The following NDST3 variants were observed in gnomAD, a reference collection of about 807,000 sequenced individuals.
NDST3 encodes N-deacetylase and N-sulfotransferase 3.
Under a neutral mutation model 96.1 loss-of-function variants are expected in NDST3, and 58 were observed. The observed-to-expected ratio is 0.60, with a 90% confidence interval of 0.49 to 0.75. The LOEUF is 0.75. Ranked by LOEUF, NDST3 falls within the 30% of genes least tolerant of loss-of-function variation. The pLI, the probability that NDST3 is intolerant of heterozygous loss-of-function variation, is 0.00. For synonymous variants in NDST3, 333 were observed against 359.7 expected, an observed-to-expected ratio of 0.93 and a Z score of 0.84; for missense variants, 788 against 1,034.2, an observed-to-expected ratio of 0.76 and a Z score of 3.27.
At chr4:118,073,177 C>T (rs1485183935) in intron 2 of NDST3, among the ~76,000 whole-genome samples, 2 of 151,878 alleles carry the variant, frequency 1.3e-5, no homozygotes, top group Non-Finnish European at 2.9e-5. Context: ...GGATATTGGC[C>T]TTAAGTTTTC....
At chr4:118,243,671 T>A (rs1273950412) in intron 12 of NDST3, among the ~76,000 whole-genome samples, 2 of 152,254 alleles carry the variant, frequency 1.3e-5, no homozygotes, top group African/African-American at 4.8e-5. Context: ...AACAGTTTTC[T>A]ATTTCAAGTT....
At chr4:118,224,280 G>GA (rs35647802) in intron 6 of NDST3, among the ~76,000 whole-genome samples, 1 of 151,906 alleles carries the variant, frequency 6.6e-6, no homozygotes, top group Non-Finnish European at 1.5e-5. Flanking sequence ...AAATTTCAGG[G>GA]AAAAAATGCT....
chr4:118,240,479 T>G, intron 10 of NDST3, 45 bp from the exon 11 acceptor site: 1 of 1,458,426 alleles, frequency 6.9e-7, no homozygotes, highest in Non-Finnish European at 9.2e-7. Context: ...TAATTATTTA[T>G]GCCTACGGTT....
intron 6 of NDST3, among the ~76,000 whole-genome samples, chr4:118,195,883 GT>G (rs1737651261): frequency 6.6e-6 from 1 of 152,164 alleles, no homozygotes; most frequent in South Asian, 2.1e-4. Flanking sequence ...CTAGTACTAT[GT>G]TGAATAACAG....
intron 10 of NDST3, among the ~76,000 whole-genome samples, chr4:118,237,581 TAA>T (rs1740725626): frequency 6.6e-6 from 1 of 152,202 alleles, no homozygotes; most frequent in African/African-American, 2.4e-5. Context: ...GTGTACTCTA[TAA>T]AGAGTCAGAT....
chr4:118,250,902 G>T (rs1229341301), intron 12 of NDST3, among the ~76,000 whole-genome samples: 1 of 151,352 alleles, frequency 6.6e-6, no homozygotes, highest in Non-Finnish European at 1.5e-5. Context: ...CCAGTCTGTG[G>T]TTTCCCTTTT....
Position 118,221,879 on chromosome 4 carries a change from T to C in NDST3, c.1540-2612T>C, listed in dbSNP as rs1578834933. Among the ~76,000 whole-genome samples, 7 of 152,030 alleles carry C rather than the reference T, an allele frequency of 4.6e-5. 2 individuals are homozygous for C. Among genetic ancestry groups the C allele is most frequent in the Admixed American group, 4.6e-4 (7 of 15,228 alleles). ...TGGTGACAACTAATTACTCATAGTG[T>C]GTTTATAGCAAAAATTGTTTTATAA... On this transcript the variant is annotated intron_variant, in intron 6 of 13. Coordinates refer to ENST00000296499, the MANE Select transcript of NDST3 (RefSeq NM_004784.3).
chr4:118,213,047 T>A (rs1738910401), intron 6 of NDST3, among the ~76,000 whole-genome samples: 1 of 152,228 alleles, frequency 6.6e-6, no homozygotes, highest in Non-Finnish European at 1.5e-5. Context: ...CTTATTAGTC[T>A]CTTCACATTT....
chr4:118,055,304 C>A, intron 2 of NDST3: 1 of 220,536 alleles, frequency 4.5e-6, no homozygotes. Context: ...TTACAGATCT[C>A]ATTGTAGCAA....
Position 118,054,359 on chromosome 4 carries a change from T to C in NDST3, c.449T>C (p.Leu150Pro). 6.2e-7 allele frequency: 1 copy of C among 1,612,762 alleles called. No individual in the cohort carries two copies. Among genetic ancestry groups the C allele is most frequent in the South Asian group, 1.1e-5 (1 of 91,016 alleles). ...ATGGATTCCTGGAATCGAAGCCTTC[T>C]AGATAAATACTGTGTAGAATATGGT... is the stretch of plus-strand genomic sequence containing the variant. ...INMDSWNRSLLDKYCVEYGVG... is the reference protein window; with the variant it reads ...INMDSWNRSLPDKYCVEYGVG... The change falls in exon 2 of 14, where the codon CTA (leucine) becomes CCA (proline). Residue 150 changes from leucine to proline, a missense_variant. Leu to Pro is a moderately conservative substitution (Grantham distance 98). This residue lies in a region of NDST3 where 234 missense variants were observed against 256.9 expected (regional missense o/e 0.91). Transcript: ENST00000296499.
chr4:118,245,063 G>A (rs1387695602), intron 12 of NDST3, among the ~76,000 whole-genome samples: 2 of 152,034 alleles, frequency 1.3e-5, no homozygotes, highest in Non-Finnish European at 2.9e-5. Flanking sequence ...TTTAGTTTTT[G>A]TGTTACATGT....
chr4:118,146,194 T>C (rs17049625), intron 6 of NDST3, among the ~76,000 whole-genome samples: 6,950 of 152,266 alleles, frequency 0.046, 272 homozygotes, highest in African/African-American at 0.11. Flanking sequence ...GGAATCAAAG[T>C]ATACATTAGC....
At chr4:118,100,266 T>A (rs1008552777) in intron 2 of NDST3, among the ~76,000 whole-genome samples, 1 of 152,106 alleles carries the variant, frequency 6.6e-6, no homozygotes, top group African/African-American at 2.4e-5. Flanking sequence ...CATCTTTATC[T>A]GCCTCAGACA....
chr4:118,049,727 A>G (rs551994319), intron 1 of NDST3, among the ~76,000 whole-genome samples: 1 of 150,310 alleles, frequency 6.7e-6, no homozygotes, highest in Admixed American at 6.7e-5. Context: ...AATCAGTAAT[A>G]ATAATAAAAA....
chr4:118,153,684 C>T (rs1219465152), intron 6 of NDST3, among the ~76,000 whole-genome samples: 1 of 151,908 alleles, frequency 6.6e-6, no homozygotes, highest in African/African-American at 2.4e-5. Context: ...ATTAGCCGGG[C>T]GTGGTGGTGC....
At chr4:118,204,183 G>C (rs958057669) in intron 6 of NDST3, among the ~76,000 whole-genome samples, 1 of 152,102 alleles carries the variant, frequency 6.6e-6, no homozygotes, top group Non-Finnish European at 1.5e-5. Flanking sequence ...TGCTGTGAAA[G>C]AGCAATGGAC....
Position 118,255,743 on chromosome 4 carries a change from C to T in NDST3, c.*31C>T. The T allele has an allele frequency of 2.6e-6, 4 of 1,561,410 alleles. No homozygotes were observed. Among genetic ancestry groups the T allele is most frequent in the Non-Finnish European group, 3.5e-6 (4 of 1,149,814 alleles). On this transcript the variant is annotated 3_prime_UTR_variant, in exon 14 of 14. Coordinates refer to ENST00000296499, the MANE Select transcript of NDST3 (RefSeq NM_004784.3). ...AGAGAAAACTTGAGACTTCATCGTCCATGTAGAACACACCTTTTCCAAAGC... is the reference window on the plus strand; with the variant it reads ...AGAGAAAACTTGAGACTTCATCGTCTATGTAGAACACACCTTTTCCAAAGC...
At position 118,153,681 on chromosome 4, in the gene NDST3, G is replaced by A. The variant is rs112810351; in HGVS notation, c.1539+9997G>A. On this transcript the variant is annotated intron_variant, in intron 6 of 13. Transcript: ENST00000296499. ...TATACTAAAAATACAAAAATTAGCC[G>A]GGCGTGGTGGTGCATGCCTGTAATC... Among the ~76,000 whole-genome samples the A allele has an allele frequency of 4.3e-3, 660 of 152,080 alleles. 7 individuals are homozygous for A. Among genetic ancestry groups the A allele is most frequent in the African/African-American group, 0.015 (610 of 41,480 alleles).
At chr4:118,153,542 G>A (rs1377085451) in intron 6 of NDST3, among the ~76,000 whole-genome samples, 1 of 152,152 alleles carries the variant, frequency 6.6e-6, no homozygotes, top group Non-Finnish European at 1.5e-5. Flanking sequence ...AATAAGTTTG[G>A]CTGGGTGTGG....
Sources: allele counts gnomAD v4.1 joint callset (sites outside exome capture counted in the v4.1 genomes callset), GRCh38; gene constraint gnomAD v4.1.1; regional missense constraint gnomAD v4.1.1; transcripts MANE v1.5; gene names NCBI Gene and HGNC (gene_info 2026-07-23, HGNC 2026-07-21).